CSMD1: variants seen among roughly 807,000 people sequenced by gnomAD.
CSMD1 encodes the protein CUB and sushi domain-containing protein 1.
A neutral mutation model predicts 417.5 loss-of-function variants in CSMD1; 213 were observed. The ratio of observed to expected loss-of-function variants is 0.51; its 90% CI spans 0.46 to 0.57. CSMD1 has a LOEUF of 0.57. CSMD1 is among the 20% of genes least tolerant of loss of function. CSMD1 has a pLI of 0.00. For missense variants in CSMD1, 6,923 were observed against 4,529.7 expected, an observed-to-expected ratio of 1.53 and a Z score of -15.17; for synonymous variants, 2,862 against 1,736.8, an observed-to-expected ratio of 1.65 and a Z score of -16.11.
chr8:4,408,606 G>A (rs1223932060), intron 3 of CSMD1, among the ~76,000 whole-genome samples: 2 of 152,164 alleles, frequency 1.3e-5, no homozygotes, highest in Non-Finnish European at 2.9e-5. Flanking sequence ...ATTAAGAAAT[G>A]TCTGATAATG....
intron 2 of CSMD1, among the ~76,000 whole-genome samples, chr8:4,471,614 T>G (rs995882699): frequency 1.3e-5 from 2 of 152,022 alleles, no homozygotes; most frequent in African/African-American, 2.4e-5. Flanking sequence ...CCCAGAACAT[T>G]ACACCTAACT....
At chr8:2,949,692 A>T (rs994487646) in intron 67 of CSMD1, among the ~76,000 whole-genome samples, 2 of 148,854 alleles carry the variant, frequency 1.3e-5, no homozygotes, top group Non-Finnish European at 3.0e-5. Context: ...AAACGTATGA[A>T]TTAAGAAATA....
chr8:4,985,293 G>A (rs1811117339), intron 1 of CSMD1, among the ~76,000 whole-genome samples: 2 of 151,894 alleles, frequency 1.3e-5, no homozygotes, highest in Admixed American at 6.6e-5. Flanking sequence ...TGATATAATC[G>A]GTACAACAAC....
intron 3 of CSMD1, among the ~76,000 whole-genome samples, chr8:4,151,463 C>G (rs1478912024): frequency 2.6e-5 from 4 of 152,224 alleles, no homozygotes; most frequent in Non-Finnish European, 4.4e-5. Context: ...TTGAATCACC[C>G]ATATCTAGTT....
intron 5 of CSMD1, among the ~76,000 whole-genome samples, chr8:3,969,210 A>G (rs563436668): frequency 1.7e-4 from 26 of 152,264 alleles, no homozygotes; most frequent in Admixed American, 7.8e-4. Context: ...AGATCGTGAC[A>G]CTGCACTCCA....
chr8:4,332,014 C>G (rs1799893869), intron 3 of CSMD1, among the ~76,000 whole-genome samples: 2 of 152,108 alleles, frequency 1.3e-5, no homozygotes, highest in Non-Finnish European at 2.9e-5. Context: ...TTTACTCAAA[C>G]CCACAAACAA....
intron 3 of CSMD1, among the ~76,000 whole-genome samples, chr8:4,152,797 TA>T (rs1563193605): frequency 6.6e-6 from 1 of 152,190 alleles, no homozygotes; most frequent in African/African-American, 2.4e-5. Context: ...TTTATGGGAA[TA>T]TACACACATA....
At chr8:3,317,239 T>A (rs1304697331) in intron 23 of CSMD1, among the ~76,000 whole-genome samples, 1 of 152,214 alleles carries the variant, frequency 6.6e-6, no homozygotes, top group Non-Finnish European at 1.5e-5. Flanking sequence ...CATCTTTCAT[T>A]GATAACACCT....
intron 23 of CSMD1, among the ~76,000 whole-genome samples, chr8:3,331,161 C>T (rs1246685768): frequency 6.6e-6 from 1 of 150,384 alleles, no homozygotes; most frequent in Non-Finnish European, 1.5e-5. Flanking sequence ...TGGTGTGAAC[C>T]CGGGAGGTGG....
intron 5 of CSMD1, among the ~76,000 whole-genome samples, chr8:3,854,294 A>C (rs1013414028): frequency 1.3e-5 from 2 of 151,672 alleles, no homozygotes; most frequent in African/African-American, 4.8e-5. Context: ...TTGTAAGGTG[A>C]AATTTTAGTA....
rs149973444 is a variant in CSMD1 at position 3,629,602 on chromosome 8, C to T, written c.1010-12805G>A. 6.8e-4 allele frequency among the ~76,000 whole-genome samples: 104 copies of T among 152,226 alleles called. 2 individuals are homozygous for T. In the East Asian group the frequency reaches 0.019, roughly 28 times the overall value. On this transcript the variant is annotated intron_variant, in intron 7 of 69. Coordinates refer to ENST00000635120, the MANE Select transcript of CSMD1 (RefSeq NM_033225.6). ...GTGTTTTCTTTCAACTTTAATATAC[C>T]ATGAGTCAATCTCTATGATTCCTAT... is the stretch of plus-strand genomic sequence containing the variant.
intron 30 of CSMD1, among the ~76,000 whole-genome samples, chr8:3,210,841 A>C: frequency 6.6e-6 from 1 of 152,156 alleles, no homozygotes; most frequent in Middle Eastern, 3.4e-3. Context: ...TGAATTTAAT[A>C]TAAATTAAAT....
chr8:3,048,590 G>A (rs369638555), intron 50 of CSMD1, among the ~76,000 whole-genome samples: 4 of 152,208 alleles, frequency 2.6e-5, no homozygotes, highest in African/African-American at 4.8e-5. Context: ...AATCCATTAT[G>A]TATCACACAC....
chr8:3,892,793 T>G (rs1807072784), intron 5 of CSMD1, among the ~76,000 whole-genome samples: 1 of 150,942 alleles, frequency 6.6e-6, no homozygotes, highest in African/African-American at 2.4e-5. Context: ...TTGGACAGTC[T>G]TCTACGTGAA....
chr8:4,172,153 A>C (rs1312992693), intron 3 of CSMD1, among the ~76,000 whole-genome samples: 1 of 152,178 alleles, frequency 6.6e-6, no homozygotes, highest in South Asian at 2.1e-4. Context: ...GAAAAGATGG[A>C]CCTAAGAGAA....
At chr8:4,861,658 G>T (rs1252505244) in intron 1 of CSMD1, among the ~76,000 whole-genome samples, 1 of 152,066 alleles carries the variant, frequency 6.6e-6, no homozygotes, top group East Asian at 1.9e-4. Context: ...AAACTTTGTG[G>T]TATTTTCTAC....
intron 51 of CSMD1, among the ~76,000 whole-genome samples, chr8:3,024,203 A>T (rs1357815714): frequency 6.6e-6 from 1 of 151,946 alleles, no homozygotes; most frequent in African/African-American, 2.4e-5. Context: ...GCATAGAATG[A>T]AATAAAAATG....
At chr8:3,861,037 T>C (rs558001105) in intron 5 of CSMD1, among the ~76,000 whole-genome samples, 57 of 152,332 alleles carry the variant, frequency 3.7e-4, no homozygotes, top group African/African-American at 1.3e-3. Context: ...GAACTGCTGC[T>C]CTTAATTTGC....
intron 10 of CSMD1, among the ~76,000 whole-genome samples, chr8:3,524,873 T>G (rs1417271221): frequency 6.7e-6 from 1 of 148,210 alleles, no homozygotes; most frequent in Non-Finnish European, 1.5e-5. Context: ...ATCACTGTAT[T>G]TAAGAACAAA....
Sources: allele counts gnomAD v4.1 joint callset (sites outside exome capture counted in the v4.1 genomes callset), GRCh38; gene constraint gnomAD v4.1.1; transcripts MANE v1.5; gene names NCBI Gene and HGNC (gene_info 2026-07-23, HGNC 2026-07-21).